The following TAFA1 variants were observed in gnomAD, a reference collection of about 807,000 sequenced individuals.
The protein encoded by TAFA1 is chemokine-like protein TAFA-1.
TAFA1 carries 4 observed loss-of-function variants against 18.5 expected under a neutral mutation model. That is an observed-to-expected ratio of 0.22 (90% confidence interval 0.11 to 0.49). The LOEUF (loss-of-function observed/expected upper bound fraction) is 0.49. Ranked by LOEUF, TAFA1 falls within the 20% of genes least tolerant of loss-of-function variation. The pLI, the probability that TAFA1 is intolerant of heterozygous loss-of-function variation, is 0.98. For synonymous variants in TAFA1, 56 were observed against 55.2 expected, an observed-to-expected ratio of 1.01 and a Z score of -0.06; for missense variants, 147 against 169.0, an observed-to-expected ratio of 0.87 and a Z score of 0.72.
intron 3 of TAFA1, among the ~76,000 whole-genome samples, chr3:68,506,278 CAGTCT>C (rs2072752274): frequency 6.6e-6 from 1 of 151,994 alleles, no homozygotes; most frequent in Non-Finnish European, 1.5e-5. Context: ...TTTCTTTATC[CAGTCT>C]ATCACTGATG....
At chr3:68,230,062 A>T (rs958591534) in intron 2 of TAFA1, among the ~76,000 whole-genome samples, 14 of 152,320 alleles carry the variant, frequency 9.2e-5, no homozygotes, top group Admixed American at 3.3e-4. Context: ...TAATGATCCA[A>T]TCAGTATAAT....
At chr3:68,234,059 T>C (rs1261329722) in intron 2 of TAFA1, among the ~76,000 whole-genome samples, 1 of 152,182 alleles carries the variant, frequency 6.6e-6, no homozygotes, top group Non-Finnish European at 1.5e-5. Flanking sequence ...TTGCTGAATA[T>C]CACCGTACCT....
intron 2 of TAFA1, among the ~76,000 whole-genome samples, chr3:68,381,737 C>T (rs951612697): frequency 2.0e-5 from 3 of 152,166 alleles, no homozygotes; most frequent in East Asian, 3.9e-4. Context: ...TTGACTTCCT[C>T]TTTTCCTAAT....
At chr3:68,191,325 G>A (rs1001276973) in intron 2 of TAFA1, among the ~76,000 whole-genome samples, 1 of 151,760 alleles carries the variant, frequency 6.6e-6, no homozygotes, top group Non-Finnish European at 1.5e-5. Flanking sequence ...AGAGCTTAAA[G>A]ACATTTCCTG....
At chr3:68,087,594 C>T (rs73108794) in intron 2 of TAFA1, among the ~76,000 whole-genome samples, 51,010 of 141,498 alleles carry the variant, frequency 0.36, 9,293 homozygotes, top group East Asian at 0.5. Context: ...TTCCTTCCTT[C>T]CATTCTTCCT....
intron 2 of TAFA1, among the ~76,000 whole-genome samples, chr3:68,121,257 G>A (rs1322093637): frequency 2.5e-5 from 1 of 39,940 alleles, no homozygotes; most frequent in African/African-American, 5.9e-5. Flanking sequence ...TAATGTGTGT[G>A]TGTGTGTGTG....
At chr3:68,477,160 T>G (rs2072115010) in intron 3 of TAFA1, among the ~76,000 whole-genome samples, 1 of 151,926 alleles carries the variant, frequency 6.6e-6, no homozygotes, top group Non-Finnish European at 1.5e-5. Context: ...ACAACACAAT[T>G]ATATGTTTTA....
chr3:68,519,161 T>A (rs528055502), intron 3 of TAFA1, among the ~76,000 whole-genome samples: 75 of 152,274 alleles, frequency 4.9e-4, no homozygotes, highest in African/African-American at 1.7e-3. Flanking sequence ...TAATCACCAA[T>A]GTGATGATAT....
intron 3 of TAFA1, among the ~76,000 whole-genome samples, chr3:68,448,081 C>T (rs1343583661): frequency 6.6e-6 from 1 of 152,046 alleles, no homozygotes; most frequent in African/African-American, 2.4e-5. Flanking sequence ...AGCAGTTCTG[C>T]CAGAGAGCAG....
chr3:68,086,644 G>A (rs987007044), intron 2 of TAFA1, among the ~76,000 whole-genome samples: 3 of 152,148 alleles, frequency 2.0e-5, no homozygotes, highest in Non-Finnish European at 2.9e-5. Flanking sequence ...ATGAGAATGA[G>A]GGGAAAGGAA....
At chr3:68,369,509 C>A (rs1342176197) in intron 2 of TAFA1, among the ~76,000 whole-genome samples, 1 of 152,196 alleles carries the variant, frequency 6.6e-6, no homozygotes. Flanking sequence ...ATGAGGTCCA[C>A]ATCTTAAAAT....
intron 2 of TAFA1, among the ~76,000 whole-genome samples, chr3:68,232,885 T>G (rs946989364): frequency 1.3e-5 from 2 of 152,156 alleles, no homozygotes; most frequent in Non-Finnish European, 2.9e-5. Flanking sequence ...ATTACAGACA[T>G]AAGCCACTGC....
chr3:68,309,126 C>T (rs2106671537), intron 2 of TAFA1, among the ~76,000 whole-genome samples: 1 of 152,238 alleles, frequency 6.6e-6, no homozygotes, highest in Admixed American at 6.5e-5. Context: ...GTTTACCTTA[C>T]CCCTGGTACT....
intron 3 of TAFA1, among the ~76,000 whole-genome samples, chr3:68,484,564 A>C (rs765159855): frequency 6.6e-6 from 1 of 152,190 alleles, no homozygotes; most frequent in Non-Finnish European, 1.5e-5. Flanking sequence ...CTATTTTCTG[A>C]ATGATCAAAG....
In TAFA1 at chr3:68,385,113, T is replaced by C. The variant is rs114516564; in HGVS notation, c.119-32167T>C. 8.1e-3 allele frequency among the ~76,000 whole-genome samples: 1,237 copies of C among 152,206 alleles called. 15 individuals are homozygous for C. Among genetic ancestry groups the C allele is most frequent in the African/African-American group, 0.028 (1,166 of 41,558 alleles). ...CTTGGGTAAGATGGTTGCCCTTTCT[T>C]AACCTCGCACTCCTCATCTGTTAAC... On this transcript the variant is annotated intron_variant, in intron 2 of 4. Transcript: ENST00000478136.
At position 68,223,314 on chromosome 3, in the gene TAFA1, G is replaced by A. The variant is rs148635108; in HGVS notation, c.119-193966G>A. Among the ~76,000 whole-genome samples, 373 of 152,214 alleles carry A rather than the reference G, an allele frequency of 2.5e-3. 2 individuals carry two copies. The highest frequency in any genetic ancestry group is 8.6e-3 in the African/African-American group (358 of 41,538). On this transcript the variant is annotated intron_variant, in intron 2 of 4. Transcript: ENST00000478136. ...CAAGCTGGAGTTGTCGTTCAAAATC[G>A]TCTTTCAATAAATGAGCACTTACTA...
At chr3:68,537,741 G>A (rs529631661) in intron 3 of TAFA1, among the ~76,000 whole-genome samples, 2 of 152,202 alleles carry the variant, frequency 1.3e-5, no homozygotes, top group East Asian at 3.9e-4. Flanking sequence ...GCATATTTTG[G>A]AGTAAAATAT....
At chr3:68,199,676 G>T (rs2066450450) in intron 2 of TAFA1, among the ~76,000 whole-genome samples, 1 of 151,486 alleles carries the variant, frequency 6.6e-6, no homozygotes, top group Admixed American at 6.6e-5. Flanking sequence ...ATAGGAAAGT[G>T]ATTGACTTTT....
chr3:68,353,401 GT>G (rs1199800738), intron 2 of TAFA1, among the ~76,000 whole-genome samples: 2 of 152,046 alleles, frequency 1.3e-5, no homozygotes, highest in African/African-American at 4.8e-5. Context: ...CACCTTATCG[GT>G]TTATGTTCAG....
Sources: gnomAD v4.1 joint callset for allele counts (sites outside exome capture counted in the v4.1 genomes callset) on GRCh38, gnomAD v4.1.1 for gene constraint, MANE v1.5 for transcripts, NCBI Gene and HGNC (gene_info 2026-07-23, HGNC 2026-07-21) for gene names.